C2orf49: variants seen among roughly 807,000 people sequenced by gnomAD.
C2orf49 encodes the protein tRNA-splicing ligase complex subunit ASW.
A neutral mutation model predicts 20.6 loss-of-function variants in C2orf49; 11 were observed. The ratio of observed to expected loss-of-function variants is 0.53; its 90% CI spans 0.34 to 0.88. The LOEUF (loss-of-function observed/expected upper bound fraction) is 0.88. C2orf49 is among the 40% of genes least tolerant of loss of function. The pLI, the probability that C2orf49 is intolerant of heterozygous loss-of-function variation, is 0.02. For synonymous variants in C2orf49, 134 were observed against 108.5 expected, an observed-to-expected ratio of 1.24 and a Z score of -1.46; for missense variants, 289 against 274.2, an observed-to-expected ratio of 1.05 and a Z score of -0.38.
In C2orf49 at chr2:105,347,268, C is replaced by A. The variant is rs535384991; in HGVS notation, c.*1897C>A. The A allele has an allele frequency of 1.3e-5, 2 of 152,178 alleles. No homozygotes were observed. Among genetic ancestry groups the A allele is most frequent in the Non-Finnish European group, 2.9e-5 (2 of 68,036 alleles). 9.4% of individuals were successfully genotyped at this position (152,178 alleles called of 1,614,324 possible). On this transcript the variant is annotated 3_prime_UTR_variant, in exon 4 of 4. Coordinates refer to ENST00000258457, the MANE Select transcript of C2orf49 (RefSeq NM_024093.3). The stretch of plus-strand genomic sequence containing the variant: ...GTGGGCAACTGTGATCCTATACATA[C>A]ATATATGCAAAAGGGGATTTTAAAA...
chr2:105,378,679 C>T, the C2orf49 span: 1 of 155,092 alleles, frequency 6.4e-6, no homozygotes, highest in Non-Finnish European at 1.4e-5. Flanking sequence ...CTCAGCCTAC[C>T]TTTATGACTG....
the C2orf49 span, among the ~76,000 whole-genome samples, chr2:105,368,739 A>G: frequency 1.3e-5 from 2 of 152,220 alleles, no homozygotes; most frequent in Non-Finnish European, 2.9e-5. Flanking sequence ...AAGTGTATCT[A>G]TTTATAGTAA....
At chr2:105,370,656 T>C in the C2orf49 span, among the ~76,000 whole-genome samples, 1 of 152,224 alleles carries the variant, frequency 6.6e-6, no homozygotes, top group Non-Finnish European at 1.5e-5. Context: ...ACTGACGCTG[T>C]AAACCCATAT....
rs373124390 is a variant in C2orf49 at position 105,344,286 on chromosome 2, T to C, written c.643-1029T>C. Among the ~76,000 whole-genome samples, 6 of 152,254 alleles carry C rather than the reference T, an allele frequency of 3.9e-5. No individual in the cohort carries two copies. In the East Asian group the frequency reaches 1.2e-3, roughly 29 times the overall value. ...CGTCCATACTCCTTTCAGCTACCTT[T>C]GTGGGAGAGAGGAGGAAGGTGTGGG... is the stretch of plus-strand genomic sequence containing the variant. On this transcript the variant is annotated intron_variant, in intron 3 of 3. Coordinates refer to ENST00000258457, the MANE Select transcript of C2orf49 (RefSeq NM_024093.3).
At chr2:105,364,090 C>G in the C2orf49 span, among the ~76,000 whole-genome samples, 2 of 152,182 alleles carry the variant, frequency 1.3e-5, no homozygotes, top group African/African-American at 4.8e-5. Context: ...AACCCCATCT[C>G]TACTAAAAAT....
intron 2 of C2orf49, among the ~76,000 whole-genome samples, chr2:105,340,371 G>A (rs568812035): frequency 4.6e-5 from 7 of 152,328 alleles, no homozygotes; most frequent in African/African-American, 1.7e-4. Flanking sequence ...GATTTAAGGT[G>A]TGTGGGGAGG....
chr2:105,382,203 A>C, the C2orf49 span, among the ~76,000 whole-genome samples: 1 of 152,200 alleles, frequency 6.6e-6, no homozygotes, highest in African/African-American at 2.4e-5. Flanking sequence ...TTGTGAAACA[A>C]CTTGAGCCTC....
At chr2:105,376,606 A>T in the C2orf49 span, 1 of 152,234 alleles carries the variant, frequency 6.6e-6, no homozygotes. Context: ...TGTGGAAAAC[A>T]CCATGGCTGA....
intron 3 of C2orf49, among the ~76,000 whole-genome samples, chr2:105,344,105 G>A (rs1213463451): frequency 6.6e-6 from 1 of 152,060 alleles, no homozygotes; most frequent in Non-Finnish European, 1.5e-5. Context: ...TATGAAGTAG[G>A]CATCTTCGTT....
rs756249989 is a variant in C2orf49 at position 105,342,856 on chromosome 2, C to G, written c.275C>G (p.Thr92Ser). The change falls in exon 3 of 4, where the codon ACT (threonine) becomes AGT (serine). Residue 92 changes from threonine (T) to serine (S), a missense_variant. Physicochemically the swap from Thr to Ser is moderately conservative, Grantham distance 58 (BLOSUM62 1). Coordinates refer to ENST00000258457, the MANE Select transcript of C2orf49 (RefSeq NM_024093.3). The part of the protein sequence containing the change: ...EIKNETKRSS[T>S]VDGLRKRPLI... The stretch of plus-strand genomic sequence containing the variant: ...CATCTCTTTGATTTCAGGAGTAGCA[C>G]TGTAGATGGGTTAAGGAAAAGACCC... 50 of 1,612,176 alleles carry G rather than the reference C, an allele frequency of 3.1e-5. 1 individual carries two copies. In the Middle Eastern group the frequency reaches 1.5e-3, roughly 48 times the overall value.
the C2orf49 span, among the ~76,000 whole-genome samples, chr2:105,377,290 A>G: frequency 3.3e-5 from 5 of 152,224 alleles, no homozygotes; most frequent in Non-Finnish European, 7.3e-5. Context: ...GTGGTTAAGA[A>G]GGTAAGTGTG....
chr2:105,369,965 C>A, the C2orf49 span, among the ~76,000 whole-genome samples: 1 of 152,230 alleles, frequency 6.6e-6, no homozygotes, highest in African/African-American at 2.4e-5. Context: ...TCATATGCAG[C>A]AATACCGGCA....
the C2orf49 span, chr2:105,363,053 G>A: frequency 3.9e-6 from 2 of 513,074 alleles, no homozygotes; most frequent in East Asian, 6.7e-5. Flanking sequence ...CTAAACTGGA[G>A]CACTGGCCAT....
chr2:105,382,701 T>C, the C2orf49 span, among the ~76,000 whole-genome samples: 3 of 152,148 alleles, frequency 2.0e-5, no homozygotes, highest in African/African-American at 7.2e-5. Context: ...TTATTTTTTT[T>C]TTCTCTTTGT....
the C2orf49 span, among the ~76,000 whole-genome samples, chr2:105,364,253 CAAAAA>C: frequency 7.2e-6 from 1 of 138,048 alleles, no homozygotes. Flanking sequence ...GAGACTGTCT[CAAAAA>C]CAAAACAAAA....
rs183527532 is a variant in C2orf49 at position 105,341,148 on chromosome 2, C to T, written c.266+1399C>T. On this transcript the variant is annotated intron_variant, in intron 2 of 3. Transcript: ENST00000258457. Reference sequence around the variant, plus strand: ...TTAACTTTCATAAATATGGGTTACACTGCATATGGCTTTTAATTTACTTTT... The same window carrying T: ...TTAACTTTCATAAATATGGGTTACATTGCATATGGCTTTTAATTTACTTTT... Among the ~76,000 whole-genome samples the T allele has an allele frequency of 4.7e-4, 71 of 152,350 alleles. No homozygotes were observed. The East Asian group carries it at 0.013, about 28-fold the overall frequency.
the C2orf49 span, chr2:105,367,742 G>A: frequency 2.5e-6 from 4 of 1,612,700 alleles, no homozygotes; most frequent in East Asian, 8.9e-5. Flanking sequence ...GCGGGTACCT[G>A]TCATCAGGGT....
At position 105,348,543 on chromosome 2, in the gene C2orf49, T is replaced by C. The variant is rs952971020; in HGVS notation, c.*3172T>C. 9 of 147,640 alleles carry C rather than the reference T, an allele frequency of 6.1e-5. No individual in the cohort carries two copies. Among genetic ancestry groups the C allele is most frequent in the Non-Finnish European group, 1.2e-4 (8 of 66,998 alleles). The allele number at this position is 147,640 out of a possible 1,614,324, so 9.1% of individuals were successfully genotyped here. The stretch of plus-strand genomic sequence containing the variant: ...AGATTAAATCATATATATATATATA[T>C]ATATATATATATATGTAAGAGCTTC... On this transcript the variant is annotated 3_prime_UTR_variant, in exon 4 of 4. Transcript: ENST00000258457.
the C2orf49 span, among the ~76,000 whole-genome samples, chr2:105,355,116 G>A: frequency 6.6e-6 from 1 of 152,094 alleles, no homozygotes; most frequent in African/African-American, 2.4e-5. Context: ...AACCTAATAG[G>A]TATGACCTCA....
Sources: gnomAD v4.1 joint callset for allele counts (sites outside exome capture counted in the v4.1 genomes callset) on GRCh38, gnomAD v4.1.1 for gene constraint, MANE v1.5 for transcripts, NCBI Gene and HGNC (gene_info 2026-07-23, HGNC 2026-07-21) for gene names.